The following KCND2 variants were observed in gnomAD, a reference collection of about 807,000 sequenced individuals.
KCND2 encodes the protein potassium voltage-gated channel subfamily D member 2, also known as A-type voltage-gated potassium channel KCND2.
In KCND2, 16 loss-of-function variants were observed where a neutral mutation model predicts 54.4. The observed-to-expected ratio is 0.29, with a 90% CI of 0.20 to 0.45. The LOEUF is 0.45. Ranked by LOEUF, KCND2 falls within the 20% of genes least tolerant of loss-of-function variation. The pLI is 1.00. For synonymous variants in KCND2, 317 were observed against 310.7 expected, an observed-to-expected ratio of 1.02 and a Z score of -0.21; for missense variants, 486 against 824.2, an observed-to-expected ratio of 0.59 and a Z score of 5.02.
chr7:120,676,000 G>A (rs1047928751), intron 1 of KCND2, among the ~76,000 whole-genome samples: 3 of 151,738 alleles, frequency 2.0e-5, no homozygotes, highest in African/African-American at 7.3e-5. Flanking sequence ...ACTACACCCA[G>A]CTAATTTTTG....
At chr7:120,688,083 G>C (rs1173517347) in intron 1 of KCND2, among the ~76,000 whole-genome samples, 2 of 152,100 alleles carry the variant, frequency 1.3e-5, no homozygotes, top group East Asian at 3.9e-4. Flanking sequence ...TTCTTAACAG[G>C]TAAAGCTGCA....
intron 1 of KCND2, among the ~76,000 whole-genome samples, chr7:120,531,786 T>C (rs753792613): frequency 3.3e-5 from 5 of 152,180 alleles, no homozygotes; most frequent in Admixed American, 6.6e-5. Flanking sequence ...TTGTCTTCTA[T>C]GCCACCATGG....
chr7:120,354,905 T>G (rs2116390774), intron 1 of KCND2, among the ~76,000 whole-genome samples: 1 of 152,368 alleles, frequency 6.6e-6, no homozygotes. Context: ...ATTCTTCAGC[T>G]TTGATAAGTA....
At chr7:120,632,561 T>C (rs1793246199) in intron 1 of KCND2, among the ~76,000 whole-genome samples, 3 of 152,182 alleles carry the variant, frequency 2.0e-5, no homozygotes, top group Admixed American at 2.0e-4. Flanking sequence ...TATAACAAGA[T>C]TTTTTAAAAC....
intron 1 of KCND2, among the ~76,000 whole-genome samples, chr7:120,551,414 C>A (rs1792103509): frequency 6.6e-6 from 1 of 152,118 alleles, no homozygotes; most frequent in Non-Finnish European, 1.5e-5. Context: ...TTGTGCCAGA[C>A]AGTATCCTAG....
intron 1 of KCND2, among the ~76,000 whole-genome samples, chr7:120,379,446 TA>T (rs1800884257): frequency 6.6e-6 from 1 of 152,054 alleles, no homozygotes; most frequent in Non-Finnish European, 1.5e-5. Context: ...TGACTATAGT[TA>T]TTTGAAAAAC....
chr7:120,435,724 A>T (rs1291799262), intron 1 of KCND2, among the ~76,000 whole-genome samples: 3 of 148,666 alleles, frequency 2.0e-5, no homozygotes, highest in Non-Finnish European at 4.4e-5. Context: ...TGGCATGTCT[A>T]ACCAGTGGAT....
chr7:120,454,521 G>A (rs1165733137), intron 1 of KCND2, among the ~76,000 whole-genome samples: 1 of 151,972 alleles, frequency 6.6e-6, no homozygotes, highest in East Asian at 1.9e-4. Flanking sequence ...TGAATCCCTG[G>A]ACAAACCAAT....
chr7:120,731,361 A>G (rs1301798159), intron 1 of KCND2, among the ~76,000 whole-genome samples: 2 of 152,202 alleles, frequency 1.3e-5, no homozygotes, highest in African/African-American at 4.8e-5. Context: ...GAATAAGACT[A>G]CTGTGAATTA....
intron 1 of KCND2, among the ~76,000 whole-genome samples, chr7:120,422,263 T>C (rs1801636760): frequency 6.6e-6 from 1 of 152,190 alleles, no homozygotes; most frequent in African/African-American, 2.4e-5. Flanking sequence ...AATTTAAAAC[T>C]TTTTGTTGTT....
chr7:120,530,372 T>C (rs994362175), intron 1 of KCND2, among the ~76,000 whole-genome samples: 2 of 152,110 alleles, frequency 1.3e-5, no homozygotes, highest in Admixed American at 1.3e-4. Context: ...ACAGGCTCAA[T>C]TACTTCAGCT....
At chr7:120,630,954 A>G (rs1040080281) in intron 1 of KCND2, among the ~76,000 whole-genome samples, 2 of 152,148 alleles carry the variant, frequency 1.3e-5, no homozygotes, top group African/African-American at 4.8e-5. Flanking sequence ...TAAATTAGAA[A>G]ATCTTTGGTT....
chr7:120,459,239 C>T (rs930467636), intron 1 of KCND2, among the ~76,000 whole-genome samples: 22 of 152,046 alleles, frequency 1.4e-4, no homozygotes, highest in African/African-American at 2.4e-4. Flanking sequence ...GCCGTTCTTC[C>T]GACATAGGAT....
intron 1 of KCND2, among the ~76,000 whole-genome samples, chr7:120,491,855 T>C (rs189480705): frequency 2.5e-4 from 37 of 148,844 alleles, no homozygotes; most frequent in African/African-American, 9.4e-4. Flanking sequence ...CATCTAGCAA[T>C]TGTGGTTTGT....
intron 1 of KCND2, among the ~76,000 whole-genome samples, chr7:120,436,545 T>A (rs746829175): frequency 1.3e-5 from 2 of 152,178 alleles, no homozygotes; most frequent in Non-Finnish European, 2.9e-5. Flanking sequence ...ACTTAATTTG[T>A]ATTCTGGGCC....
Position 120,748,970 on chromosome 7 carries a change from A to G in KCND2, c.*1112A>G, listed in dbSNP as rs1793040365. 1.3e-5 allele frequency: 2 copies of G among 151,970 alleles called. No individual in the cohort carries two copies. The highest frequency in any genetic ancestry group is 4.1e-4 in the South Asian group (2 of 4,836). The allele number at this position is 151,970 out of a possible 1,614,324, so 9.4% of individuals were successfully genotyped here. ...TCCCCTTGTCGAAAACTAGAAAAAAAGGAGTTGACCCATATAAATTATCTC... is the reference window on the plus strand; with the variant it reads ...TCCCCTTGTCGAAAACTAGAAAAAAGGGAGTTGACCCATATAAATTATCTC... On this transcript the variant is annotated 3_prime_UTR_variant, in exon 6 of 6. Transcript: ENST00000331113.
chr7:120,585,028 G>A (rs183802958), intron 1 of KCND2, among the ~76,000 whole-genome samples: 1 of 152,302 alleles, frequency 6.6e-6, no homozygotes, highest in Admixed American at 6.5e-5. Context: ...TGGCATATAA[G>A]AAGATTGAGT....
At chr7:120,391,773 T>C (rs1801081963) in intron 1 of KCND2, among the ~76,000 whole-genome samples, 2 of 152,272 alleles carry the variant, frequency 1.3e-5, no homozygotes, top group Admixed American at 6.5e-5. Flanking sequence ...GTTTGTTTTT[T>C]TCTTGTAAAT....
At chr7:120,381,735 A>C (rs1460692841) in intron 1 of KCND2, among the ~76,000 whole-genome samples, 1 of 152,046 alleles carries the variant, frequency 6.6e-6, no homozygotes, top group Admixed American at 6.6e-5. Context: ...GCATGCCAAA[A>C]TTTTGAGCAA....
Sources: allele counts gnomAD v4.1 joint callset (sites outside exome capture counted in the v4.1 genomes callset), GRCh38; gene constraint gnomAD v4.1.1; transcripts MANE v1.5; gene names NCBI Gene and HGNC (gene_info 2026-07-23, HGNC 2026-07-21).